The following TGM4 variants were observed in gnomAD, a reference collection of about 807,000 sequenced individuals.
TGM4 encodes transglutaminase 4.
TGM4 carries 61 observed loss-of-function variants against 76.3 expected under a neutral mutation model. That is an observed-to-expected ratio of 0.80 (90% CI 0.65 to 0.99). The LOEUF is 0.99. Ranked by LOEUF, TGM4 falls within the 50% of genes least tolerant of loss-of-function variation. The pLI is 0.00. For synonymous variants in TGM4, 337 were observed against 329.8 expected (o/e 1.02, Z -0.24); for missense variants, 794 against 843.2 (o/e 0.94, Z 0.72).
chr3:44,908,873 G>A (rs140713291), intron 10 of TGM4, among the ~76,000 whole-genome samples: 62 of 152,018 alleles, frequency 4.1e-4, no homozygotes, highest in African/African-American at 1.4e-3. Flanking sequence ...CACCATGTAT[G>A]GCCTATAGTT....
intron 3 of TGM4, chr3:44,890,192 T>C (rs1699669809): frequency 1.2e-5 from 2 of 166,072 alleles, no homozygotes; most frequent in Admixed American, 1.2e-4. Context: ...ATTATGGGGA[T>C]TACAATACGA....
rs1575713719 is a variant in TGM4, at chr3:44,886,571, G to A, written c.193+1073G>A. Among the ~76,000 whole-genome samples the A allele has an allele frequency of 2.0e-5, 3 of 152,304 alleles. No homozygotes were observed. In the Middle Eastern group the frequency reaches 0.01, roughly 518 times the overall value. On this transcript the variant is annotated intron_variant, in intron 2 of 13. Coordinates refer to ENST00000296125, the MANE Select transcript of TGM4 (RefSeq NM_003241.4). ...TGCTCAACGCATGGACTGGGACCGTGCTGTTGCTGACTTCAGTGACTTTAT... is the reference window on the plus strand; with the variant it reads ...TGCTCAACGCATGGACTGGGACCGTACTGTTGCTGACTTCAGTGACTTTAT...
chr3:44,879,984 A>T (rs1699510339), intron 1 of TGM4, among the ~76,000 whole-genome samples: 1 of 151,884 alleles, frequency 6.6e-6, no homozygotes, highest in Admixed American at 6.6e-5. Flanking sequence ...TTTTTTTTAA[A>T]GACAGGGTTT....
intron 1 of TGM4, 30 bp from the exon 2 acceptor site, chr3:44,885,295 C>T (rs368559848): frequency 8.8e-5 from 138 of 1,575,816 alleles, no homozygotes; most frequent in Admixed American, 3.6e-4. Flanking sequence ...TCTCTGTGCT[C>T]TCTTTCCACA....
chr3:44,904,231 AG>A (rs3082586), intron 9 of TGM4, among the ~76,000 whole-genome samples: 23,899 of 152,208 alleles, frequency 0.16, 2,094 homozygotes, highest in South Asian at 0.25. Context: ...GTGGCACTTA[AG>A]GGTTCCCTAC....
At chr3:44,907,286 A>T (rs1453082256) in intron 10 of TGM4, 86 bp downstream of exon 10, 13 of 1,381,334 alleles carry the variant, frequency 9.4e-6, no homozygotes, top group Non-Finnish European at 1.3e-5. Context: ...GGGCCTGGGC[A>T]ACATGGTGAA....
In TGM4 at chr3:44,910,011, T is replaced by G. The variant is rs1481263596; in HGVS notation, c.1328-79T>G. 10 of 1,515,352 alleles carry G rather than the reference T, an allele frequency of 6.6e-6. No individual in the cohort carries two copies. The East Asian group carries it at 2.0e-4, about 31-fold the overall frequency. 93.9% of individuals were successfully genotyped at this position (1,515,352 alleles called of 1,614,324 possible). On this transcript the variant is annotated intron_variant, in intron 10 of 13. Coordinates refer to ENST00000296125, the MANE Select transcript of TGM4 (RefSeq NM_003241.4). ...TGGAGTCCTGGCCAGGCAGATGGTC[T>G]CCTTCTGCCACACGGGTGGTTGGGA...
At chr3:44,890,421 C>A in intron 3 of TGM4, 182 bp from the exon 4 acceptor site, 1 of 750,944 alleles carries the variant, frequency 1.3e-6, no homozygotes, top group Non-Finnish European at 2.2e-6. Context: ...GCTTTTCTGT[C>A]TCATGCATCC....
intron 4 of TGM4, among the ~76,000 whole-genome samples, chr3:44,891,473 T>C (rs1419657638): frequency 6.6e-6 from 1 of 151,852 alleles, no homozygotes; most frequent in Non-Finnish European, 1.5e-5. Context: ...GTTAACATTT[T>C]GCTCCATTTG....
At chr3:44,910,915 G>C (rs1520082) in intron 11 of TGM4, 43 bp from the exon 12 acceptor site, 830,886 of 1,595,902 alleles carry the variant, frequency 0.52, 224,312 homozygotes, top group East Asian at 0.9. Flanking sequence ...TACTGGGGGG[G>C]TATGATGAAT....
intron 2 of TGM4, among the ~76,000 whole-genome samples, chr3:44,886,368 C>T (rs1699608029): frequency 6.6e-6 from 1 of 152,146 alleles, no homozygotes; most frequent in African/African-American, 2.4e-5. Context: ...GGTAGATCTA[C>T]TTTACAAGAT....
intron 10 of TGM4, among the ~76,000 whole-genome samples, chr3:44,908,389 TG>T (rs1267826247): frequency 1.1e-4 from 17 of 151,716 alleles, no homozygotes; most frequent in African/African-American, 2.4e-4. Context: ...TTTTTGTTTT[TG>T]TTTTTTTTGT....
chr3:44,893,992 TCGGCTCTCTCCCACCCCCCA>T (rs1337792079), intron 5 of TGM4, among the ~76,000 whole-genome samples: 1 of 10,050 alleles, frequency 1.0e-4, no homozygotes, highest in African/African-American at 3.7e-4. Flanking sequence ...CCCACCCCCC[TCGGCTCTCTCCCACCCCCCA>T]CGGCTCTCTC....
intron 9 of TGM4, among the ~76,000 whole-genome samples, chr3:44,905,217 C>T (rs983305093): frequency 6.6e-6 from 1 of 152,028 alleles, no homozygotes; most frequent in African/African-American, 2.4e-5. Context: ...ACCACCTGAC[C>T]TCAGGTGATC....
intron 13 of TGM4, among the ~76,000 whole-genome samples, chr3:44,912,379 T>A (rs1215148854): frequency 6.6e-6 from 1 of 152,238 alleles, no homozygotes; most frequent in African/African-American, 2.4e-5. Flanking sequence ...GTTTTCCTAG[T>A]ACTTTGTAGC....
rs775412704 is a variant in TGM4, at chr3:44,906,945, T to C, written c.1076-4T>C. On this transcript the variant is annotated splice_region_variant and splice_polypyrimidine_tract_variant and intron_variant, in intron 9 of 13. Coordinates refer to ENST00000296125, the MANE Select transcript of TGM4 (RefSeq NM_003241.4). ...GAGAGTGACCACCCCTGGCTTCCCC[T>C]CAGGTGTCTTCTGCTGTGGGCCATC... 7 of 1,612,964 alleles carry C rather than the reference T, an allele frequency of 4.3e-6. No individual in the cohort carries two copies. Among genetic ancestry groups the C allele is most frequent in the Non-Finnish European group, 5.9e-6 (7 of 1,179,330 alleles).
At chr3:44,909,571 T>C (rs1699972751) in intron 10 of TGM4, among the ~76,000 whole-genome samples, 1 of 152,260 alleles carries the variant, frequency 6.6e-6, no homozygotes, top group East Asian at 1.9e-4. Context: ...TTAACAACAA[T>C]TCTCTGGTAG....
At chr3:44,900,231 G>T (rs895278090) in intron 6 of TGM4, among the ~76,000 whole-genome samples, 2 of 152,202 alleles carry the variant, frequency 1.3e-5, no homozygotes, top group Non-Finnish European at 2.9e-5. Context: ...GCTTAATTTC[G>T]CAGGAGGACG....
chr3:44,902,494 G>A (rs111469709), intron 8 of TGM4, among the ~76,000 whole-genome samples: 12,525 of 152,262 alleles, frequency 0.082, 576 homozygotes, highest in Middle Eastern at 0.13. Context: ...CAGCTACTTG[G>A]TAGGCTGAGG....
Sources: gnomAD v4.1 joint callset for allele counts (sites outside exome capture counted in the v4.1 genomes callset) on GRCh38, gnomAD v4.1.1 for gene constraint, MANE v1.5 for transcripts, NCBI Gene and HGNC (gene_info 2026-07-23, HGNC 2026-07-21) for gene names.